PIEZO2: variants seen among roughly 807,000 people sequenced by gnomAD.
The protein encoded by PIEZO2 is piezo-type mechanosensitive ion channel component 2.
PIEZO2 carries 172 observed loss-of-function variants against 337.3 expected under a neutral mutation model. That is an observed-to-expected ratio of 0.51 (90% CI 0.45 to 0.58). PIEZO2 has a LOEUF of 0.58. Among genes scored for constraint, PIEZO2 ranks in the 20% least tolerant of loss-of-function variants. The probability of loss-of-function intolerance (pLI) is 0.00; values close to 1 mark genes in which losing one functional copy is unlikely to be tolerated. For synonymous variants in PIEZO2, 1,251 were observed against 1,228.5 expected, an observed-to-expected ratio of 1.02 and a Z score of -0.38; for missense variants, 3,028 against 3,391.3, an observed-to-expected ratio of 0.89 and a Z score of 2.66.
chr18:10,704,371 C>T, intron 42 of PIEZO2, 23 bp downstream of exon 42: 1 of 1,535,624 alleles, frequency 6.5e-7, no homozygotes, highest in Non-Finnish European at 8.7e-7. Context: ...AAGCCATCCA[C>T]AGGGGTCTGC....
At chr18:11,081,847 C>T (rs1399165111) in intron 1 of PIEZO2, among the ~76,000 whole-genome samples, 1 of 151,810 alleles carries the variant, frequency 6.6e-6, no homozygotes, top group Non-Finnish European at 1.5e-5. Flanking sequence ...GCAACCTCCA[C>T]CTCCTAGGTT....
In PIEZO2 at chr18:10,953,203, T is replaced by C. The variant is rs1406839817; in HGVS notation, c.286+26332A>G. The stretch of plus-strand genomic sequence containing the variant: ...CAATTTGTGGCTTGCCTTTTTATTG[T>C]ATTAACACTGGATTTTGAAGAGCAG... On this transcript the variant is annotated intron_variant, in intron 3 of 55. Coordinates refer to ENST00000674853, the MANE Select transcript of PIEZO2 (RefSeq NM_001378183.1). This position sits in a 1 kb window ranked among gnomAD's most constrained non-coding sequence, Gnocchi z 5.2. Among the ~76,000 whole-genome samples the C allele has an allele frequency of 6.6e-6, 1 of 152,216 alleles. No homozygotes were observed. Among genetic ancestry groups the C allele is most frequent in the Non-Finnish European group, 1.5e-5 (1 of 68,044 alleles).
Position 10,676,527 on chromosome 18 carries a change from T to A in PIEZO2, c.8081+1220A>T, listed in dbSNP as rs2034008097. Among the ~76,000 whole-genome samples, 1 of 152,240 alleles carries A rather than the reference T, an allele frequency of 6.6e-6. No individual in the cohort carries two copies. The highest frequency in any genetic ancestry group is 2.4e-5 in the African/African-American group (1 of 41,462). ...TATATAATATGTTTTTTTCCAAATT[T>A]CCTTTTACCCCTTGTCCTCCTCAAC... On this transcript the variant is annotated intron_variant, in intron 53 of 55. Transcript: ENST00000674853. The surrounding 1 kb of genome is among the most constrained non-coding windows in gnomAD (Gnocchi z 5.1).
At position 10,773,164 on chromosome 18, in the gene PIEZO2, C is replaced by G. The variant is rs942886573; in HGVS notation, c.2785+248G>C. 6.6e-6 allele frequency among the ~76,000 whole-genome samples: 1 copy of G among 152,196 alleles called. No individual in the cohort carries two copies. Among genetic ancestry groups the G allele is most frequent in the Non-Finnish European group, 1.5e-5 (1 of 68,026 alleles). On this transcript the variant is annotated intron_variant, in intron 20 of 55. Coordinates refer to ENST00000674853, the MANE Select transcript of PIEZO2 (RefSeq NM_001378183.1). This position sits in a 1 kb window ranked among gnomAD's most constrained non-coding sequence, Gnocchi z 5.3. ...ACACCATGCCCCACCAGTGTCTAGA[C>G]AGGAGCACTACTTGAGGGTCAGTCA...
In PIEZO2 at chr18:11,105,693, C is replaced by T. The variant is rs1365672140; in HGVS notation, c.65-39471G>A. ...TTCAACATCACGTGTCCTCTGAAAGCCTGAGCTGGGGAATGTTTCATGAAT... is the reference window on the plus strand; with the variant it reads ...TTCAACATCACGTGTCCTCTGAAAGTCTGAGCTGGGGAATGTTTCATGAAT... On this transcript the variant is annotated intron_variant, in intron 1 of 55. Coordinates refer to ENST00000674853, the MANE Select transcript of PIEZO2 (RefSeq NM_001378183.1). This position sits in a 1 kb window ranked among gnomAD's most constrained non-coding sequence, Gnocchi z 4.3. 2.0e-5 allele frequency among the ~76,000 whole-genome samples: 3 copies of T among 152,154 alleles called. No individual in the cohort carries two copies. Among genetic ancestry groups the T allele is most frequent in the African/African-American group, 7.2e-5 (3 of 41,436 alleles).
chr18:10,698,011 A>AGGGATG (rs879707200), intron 44 of PIEZO2, 131 bp from the exon 45 acceptor site: 32,203 of 214,054 alleles, frequency 0.15, 635 homozygotes, highest in Middle Eastern at 0.21. Flanking sequence ...ATGAGTATGC[A>AGGGATG]CGGCCTTGGG....
chr18:11,133,889 T>C (rs1473981379), intron 1 of PIEZO2, among the ~76,000 whole-genome samples: 3 of 151,994 alleles, frequency 2.0e-5, no homozygotes, highest in Non-Finnish European at 4.4e-5. Flanking sequence ...TATATACATA[T>C]ACACACACAT....
In PIEZO2 at chr18:10,859,707, C is replaced by T. The variant is rs2144721747; in HGVS notation, c.493-2496G>A. Among the ~76,000 whole-genome samples, 1 of 152,362 alleles carries T rather than the reference C, an allele frequency of 6.6e-6. No individual in the cohort carries two copies. The highest frequency in any genetic ancestry group is 1.5e-5 in the Non-Finnish European group (1 of 68,038). On this transcript the variant is annotated intron_variant, in intron 5 of 55. Coordinates refer to ENST00000674853, the MANE Select transcript of PIEZO2 (RefSeq NM_001378183.1). This position sits in a 1 kb window ranked among gnomAD's most constrained non-coding sequence, Gnocchi z 4.9. ...CACCATTCCATTTAGAGTAAAAATG[C>T]TTCCCTACCTAATTTCTCTTGAACC...
rs1045006408 is a variant in PIEZO2, at chr18:10,783,246, T to C, written c.2492+1538A>G. On this transcript the variant is annotated intron_variant, in intron 17 of 55. Coordinates refer to ENST00000674853, the MANE Select transcript of PIEZO2 (RefSeq NM_001378183.1). This position sits in a 1 kb window ranked among gnomAD's most constrained non-coding sequence, Gnocchi z 4.3. ...GCTAACTAAAATACTTTGTAATTAT[T>C]GAATAGGGCCCTTGAAAAGAATGGT... 6.6e-6 allele frequency among the ~76,000 whole-genome samples: 1 copy of C among 152,196 alleles called. No individual in the cohort carries two copies. Among genetic ancestry groups the C allele is most frequent in the East Asian group, 1.9e-4 (1 of 5,196 alleles).
chr18:10,999,736 G>A (rs2035465362), intron 2 of PIEZO2, among the ~76,000 whole-genome samples: 1 of 152,052 alleles, frequency 6.6e-6, no homozygotes. Context: ...AAAAAATTTA[G>A]AAAAATTGTC....
At chr18:11,066,350 A>G in intron 1 of PIEZO2, 128 bp from the exon 2 acceptor site, 1 of 642,070 alleles carries the variant, frequency 1.6e-6, no homozygotes, top group South Asian at 2.0e-5. Flanking sequence ...CTGAATAGAT[A>G]TGTCAATTAA....
intron 2 of PIEZO2, among the ~76,000 whole-genome samples, chr18:11,008,782 G>A (rs72868877): frequency 0.2 from 30,270 of 152,102 alleles, 3,196 homozygotes; most frequent in African/African-American, 0.26. Flanking sequence ...CCTGCATTGG[G>A]AGCCCTCAAG....
intron 4 of PIEZO2, among the ~76,000 whole-genome samples, chr18:10,891,329 AT>A: frequency 6.6e-6 from 1 of 152,342 alleles, no homozygotes; most frequent in East Asian, 1.9e-4. Context: ...TTAAAAAAAA[AT>A]AAAAGAAAGT....
intron 7 of PIEZO2, among the ~76,000 whole-genome samples, chr18:10,842,134 G>C (rs1299554298): frequency 2.7e-5 from 4 of 147,200 alleles, no homozygotes; most frequent in Admixed American, 2.0e-4. Flanking sequence ...GGGCGACAAA[G>C]CGAGACTCCG....
rs565855000 is a variant in PIEZO2, at chr18:10,873,107, T to A, written c.330-1692A>T. 2.0e-4 allele frequency among the ~76,000 whole-genome samples: 30 copies of A among 152,334 alleles called. No homozygotes were observed. The South Asian group carries it at 3.7e-3, about 19-fold the overall frequency. ...GATTACACACTGTATTCGTTTACAT[T>A]ATATATTATATATTTTGGTGAAAAT... On this transcript the variant is annotated intron_variant, in intron 4 of 55. Coordinates refer to ENST00000674853, the MANE Select transcript of PIEZO2 (RefSeq NM_001378183.1).
chr18:10,736,646 T>C lies in PIEZO2; in HGVS notation c.4773A>G (p.Leu1591=), dbSNP rs775233801. 6.5e-6 allele frequency: 10 copies of C among 1,537,186 alleles called. No individual in the cohort carries two copies. Among genetic ancestry groups the C allele is most frequent in the Non-Finnish European group, 7.8e-6 (9 of 1,146,854 alleles). The change falls in exon 34 of 56, where the codon TTA becomes TTG. Residue 1591 remains leucine (L), a synonymous_variant. Transcript: ENST00000674853. Reference sequence around the variant, plus strand: ...GTGGAGGTTCTTCATCTTCCTTCTTTAATTCTTCCTCTTCCTCCTCTTCAC... The same window carrying C: ...GTGGAGGTTCTTCATCTTCCTTCTTCAATTCTTCCTCTTCCTCCTCTTCAC... ...TDSEEEEEEE[L]KKEDEEPPRR...
rs749446120 is a variant in PIEZO2, at chr18:10,929,184, C to T, written c.287-17956G>A. On this transcript the variant is annotated intron_variant, in intron 3 of 55. Transcript: ENST00000674853. This position sits in a 1 kb window ranked among gnomAD's most constrained non-coding sequence, Gnocchi z 5.6. ...ATATGAATTAGAGCCATAGAAAACA[C>T]TCTTGTTTATGTGATGAGCTGGAGC... is the stretch of plus-strand genomic sequence containing the variant. Among the ~76,000 whole-genome samples, 8 of 152,152 alleles carry T rather than the reference C, an allele frequency of 5.3e-5. No individual in the cohort carries two copies. Among genetic ancestry groups the T allele is most frequent in the Non-Finnish European group, 8.8e-5 (6 of 68,028 alleles).
Position 10,833,013 on chromosome 18 carries a change from G to T in PIEZO2, c.917+22340C>A, listed in dbSNP as rs775412443. ...AGCTGCTCCCATGAGCCCACTACAG[G>T]ATCCTGGAGGCTCTGAGGGATGTGG... On this transcript the variant is annotated intron_variant, in intron 7 of 55. Transcript: ENST00000674853. This position sits in a 1 kb window ranked among gnomAD's most constrained non-coding sequence, Gnocchi z 4.7. 7.2e-5 allele frequency among the ~76,000 whole-genome samples: 11 copies of T among 152,216 alleles called. No homozygotes were observed. Among genetic ancestry groups the T allele is most frequent in the Non-Finnish European group, 1.5e-4 (10 of 68,032 alleles).
chr18:10,911,479 C>T (rs1414462940), intron 3 of PIEZO2, among the ~76,000 whole-genome samples: 7 of 149,910 alleles, frequency 4.7e-5, no homozygotes, highest in Non-Finnish European at 1.5e-5. Context: ...ATGTGGCCAG[C>T]CGCAATGGCT....
Sources: gnomAD v4.1 joint callset for allele counts (sites outside exome capture counted in the v4.1 genomes callset) on GRCh38, gnomAD v4.1.1 for gene constraint, Gnocchi (gnomAD v3.1) non-coding constraint, MANE v1.5 for transcripts, NCBI Gene and HGNC (gene_info 2026-07-23, HGNC 2026-07-21) for gene names.